Variants in REL observed in about 807,000 individuals in gnomAD.
REL encodes the protein REL proto-oncogene, NF-kB subunit.
A neutral mutation model predicts 45.9 loss-of-function variants in REL; 15 were observed. The observed-to-expected ratio is 0.33, with a 90% CI of 0.22 to 0.50. REL has a LOEUF of 0.50. REL is among the 20% of genes least tolerant of loss of function. REL has a pLI of 0.98. For synonymous variants in REL, 239 were observed against 242.1 expected (o/e 0.99, Z 0.12); for missense variants, 601 against 715.2 (o/e 0.84, Z 1.82).
chr2:60,929,643 G>T lies in REL; in HGVS notation c.*7108G>T, dbSNP rs1299944790. On this transcript the variant is annotated 3_prime_UTR_variant, in exon 10 of 10. Transcript: ENST00000394479. ...CAATGAGAACACATGGACACAGGAA[G>T]GGGAATATCACACTGGGGACTGTTG... The T allele has an allele frequency of 7.0e-6, 1 of 142,554 alleles. No homozygotes were observed. The highest frequency in any genetic ancestry group is 2.6e-5 in the African/African-American group (1 of 38,226). 8.8% of individuals were successfully genotyped at this position (142,554 alleles called of 1,614,324 possible). A position where few individuals can be genotyped will look rare whatever the true frequency, so the allele number is the denominator to read the frequency against.
intron 5 of REL, among the ~76,000 whole-genome samples, chr2:60,917,771 T>C (rs985335513): frequency 6.6e-6 from 1 of 151,832 alleles, no homozygotes; most frequent in African/African-American, 2.4e-5. Flanking sequence ...GTGTATGATA[T>C]ACCTGTTTTA....
chr2:60,899,054 A>G (rs1232739216), intron 3 of REL: 6 of 152,272 alleles, frequency 3.9e-5, no homozygotes. Context: ...ATGAAGTAAT[A>G]TAAATGTATT....
intron 1 of REL, among the ~76,000 whole-genome samples, chr2:60,891,185 A>G (rs950898168): frequency 1.3e-5 from 2 of 152,178 alleles, no homozygotes; most frequent in African/African-American, 4.8e-5. Flanking sequence ...TTCTGCAAGG[A>G]TTTAAATGCA....
Position 60,918,295 on chromosome 2 carries a change from G to A in REL, c.640G>A (p.Asp214Asn), listed in dbSNP as rs750193167. Residue 214 changes from aspartate (D) to asparagine (N), a missense_variant and splice_region_variant, in exon 6 of 10, where the codon GAT becomes AAT. Asp to Asn is a conservative substitution (Grantham distance 23, BLOSUM62 1). This residue lies in a region of REL where 241 missense variants were observed against 347.0 expected (regional missense o/e 0.69). Coordinates refer to ENST00000394479, the MANE Select transcript of REL (RefSeq NM_001291746.2). ...TCTACTTTGTGACAAAGTTCAGAAAGGTATTTATTTATTTCATTGAATTTA... is the reference window on the plus strand; with the variant it reads ...TCTACTTTGTGACAAAGTTCAGAAAAGTATTTATTTATTTCATTGAATTTA... ...IFLLCDKVQK[D>N]DIEVRFVLND... The A allele has an allele frequency of 6.3e-7, 1 of 1,579,656 alleles. No individual in the cohort carries two copies. The highest frequency in any genetic ancestry group is 8.7e-7 in the Non-Finnish European group (1 of 1,154,210).
intron 4 of REL, among the ~76,000 whole-genome samples, chr2:60,913,301 A>C (rs1351023013): frequency 6.6e-6 from 1 of 151,912 alleles, no homozygotes; most frequent in Non-Finnish European, 1.5e-5. Context: ...TTGCCTCCTC[A>C]TATGTGTGGT....
At position 60,904,485 on chromosome 2, in the gene REL, C is replaced by T. The variant is rs186223087; in HGVS notation, c.394+3402C>T. Among the ~76,000 whole-genome samples the T allele has an allele frequency of 3.8e-3, 569 of 151,586 alleles. 2 individuals carry two copies. Among genetic ancestry groups the T allele is most frequent in the Non-Finnish European group, 5.4e-3 (370 of 67,908 alleles). ...ACTCAGGAGGCTAAGGCAGGAGAATCGCTTGAACCCAGGAGGCGGAGGTTG... is the reference window on the plus strand; with the variant it reads ...ACTCAGGAGGCTAAGGCAGGAGAATTGCTTGAACCCAGGAGGCGGAGGTTG... On this transcript the variant is annotated intron_variant, in intron 4 of 9. Transcript: ENST00000394479.
chr2:60,889,794 C>T (rs182335531), intron 1 of REL, among the ~76,000 whole-genome samples: 2 of 152,282 alleles, frequency 1.3e-5, no homozygotes, highest in Admixed American at 6.5e-5. Context: ...TTTTTTATGG[C>T]TGCATAGTAT....
intron 4 of REL, among the ~76,000 whole-genome samples, chr2:60,901,687 A>C (rs995955242): frequency 1.1e-4 from 16 of 152,204 alleles, no homozygotes; most frequent in Non-Finnish European, 2.1e-4. Flanking sequence ...TCCTTATGCC[A>C]CTTCCAGCAG....
intron 4 of REL, among the ~76,000 whole-genome samples, chr2:60,903,840 G>A (rs568563746): frequency 1.3e-5 from 2 of 151,984 alleles, no homozygotes; most frequent in African/African-American, 2.4e-5. Context: ...CAGAGTTTCT[G>A]TATTTTTTGT....
intron 1 of REL, among the ~76,000 whole-genome samples, chr2:60,889,297 T>A (rs1462710149): frequency 6.6e-6 from 1 of 152,206 alleles, no homozygotes; most frequent in Non-Finnish European, 1.5e-5. Flanking sequence ...CGCTCTTATT[T>A]CCGCAGAATT....
chr2:60,902,493 G>A (rs1429140094), intron 4 of REL, among the ~76,000 whole-genome samples: 1 of 148,542 alleles, frequency 6.7e-6, no homozygotes, highest in East Asian at 2.0e-4. Context: ...TTCCACTCAG[G>A]AATATACCTT....
chr2:60,905,650 C>T (rs924862562), intron 4 of REL, among the ~76,000 whole-genome samples: 3 of 152,074 alleles, frequency 2.0e-5, no homozygotes, highest in Non-Finnish European at 4.4e-5. Context: ...ATTCTTGCCT[C>T]CTCAGGAGAC....
intron 3 of REL, among the ~76,000 whole-genome samples, chr2:60,896,297 C>T (rs1001979031): frequency 1.3e-5 from 2 of 152,108 alleles, no homozygotes; most frequent in African/African-American, 2.4e-5. Context: ...GCGTGAGCCA[C>T]GGCACCTGGC....
chr2:60,922,553 C>T lies in REL; in HGVS notation c.*18C>T, dbSNP rs746941421. On this transcript the variant is annotated 3_prime_UTR_variant, in exon 10 of 10. Coordinates refer to ENST00000394479, the MANE Select transcript of REL (RefSeq NM_001291746.2). ...AAGTATAACTTGCAAGATTTAAATC[C>T]TTTTAAATCTTGATACCACCTATAT... The T allele has an allele frequency of 1.2e-5, 19 of 1,564,368 alleles. No individual in the cohort carries two copies. The Admixed American group carries it at 3.5e-4, about 29-fold the overall frequency.
chr2:60,891,911 C>A, intron 2 of REL, 86 bp downstream of exon 2: 1 of 1,253,988 alleles, frequency 8.0e-7, no homozygotes, highest in Non-Finnish European at 1.1e-6. Context: ...CCAGTTTCTT[C>A]ACAGTCATCT....
At position 60,891,636 on chromosome 2, in the gene REL, T is replaced by G. The variant is rs372154911; in HGVS notation, c.11-47T>G. The G allele has an allele frequency of 2.4e-5, 34 of 1,407,818 alleles. No homozygotes were observed. In the African/African-American group the frequency reaches 4.1e-4, roughly 17 times the overall value. The allele number at this position is 1,407,818 out of a possible 1,614,324, so 87.2% of individuals were successfully genotyped here. A position where few individuals can be genotyped will look rare whatever the true frequency, so the allele number is the denominator to read the frequency against. On this transcript the variant is annotated intron_variant, in intron 1 of 9. Coordinates refer to ENST00000394479, the MANE Select transcript of REL (RefSeq NM_001291746.2). ...ACAGAATGTTAAAATCCATTATTAA[T>G]TGCTATATTAATCTCACTGACCTCC...
At position 60,921,842 on chromosome 2, in the gene REL, C is replaced by G; in HGVS notation, c.1071C>G (p.Pro357=). Residue 357 remains proline (P), a synonymous_variant, in exon 10 of 10, where the codon CCC becomes CCG. Transcript: ENST00000394479. ...GVSSQAESYY[P]SPGPISSGLS... is the part of the protein sequence containing the mutation. ...CAAGTCAAGCAGAATCCTACTATCCCTCACCTGGGCCCATCTCAAGTGGAT... is the reference window on the plus strand; with the variant it reads ...CAAGTCAAGCAGAATCCTACTATCCGTCACCTGGGCCCATCTCAAGTGGAT... 6.2e-7 allele frequency: 1 copy of G among 1,614,098 alleles called. No homozygotes were observed. Among genetic ancestry groups the G allele is most frequent in the Admixed American group, 1.7e-5 (1 of 60,022 alleles).
rs1232764063 is a variant in REL, at chr2:60,929,218, TGGTG to T, written c.*6686_*6689del. ...AGAAATAGGAACACTTTTACACTGT[TGGTG>T]GGACTGTAAACTAGTTCAACCATTG... is the stretch of plus-strand genomic sequence containing the variant. On this transcript the variant is annotated 3_prime_UTR_variant, in exon 10 of 10. Transcript: ENST00000394479. 4 of 149,542 alleles carry T rather than the reference TGGTG, an allele frequency of 2.7e-5. No individual in the cohort carries two copies. Among genetic ancestry groups the T allele is most frequent in the African/African-American group, 9.9e-5 (4 of 40,314 alleles). The allele number at this position is 149,542 out of a possible 1,614,324, so 9.3% of individuals were successfully genotyped here. A position where few individuals can be genotyped will look rare whatever the true frequency, so the allele number is the denominator to read the frequency against.
At chr2:60,910,812 A>G (rs1011594331) in intron 4 of REL, among the ~76,000 whole-genome samples, 8 of 151,968 alleles carry the variant, frequency 5.3e-5, no homozygotes, top group Admixed American at 3.3e-4. Flanking sequence ...CATGCCTGTA[A>G]TCCTAGCTGC....
Sources: allele counts gnomAD v4.1 joint callset (sites outside exome capture counted in the v4.1 genomes callset), GRCh38; gene constraint gnomAD v4.1.1; regional missense constraint gnomAD v4.1.1; transcripts MANE v1.5; gene names NCBI Gene and HGNC (gene_info 2026-07-23, HGNC 2026-07-21).